Variants in USP28 observed in about 807,000 individuals in gnomAD.
USP28 encodes the protein ubiquitin specific peptidase 28.
A neutral mutation model predicts 145.0 loss-of-function variants in USP28; 113 were observed. The ratio of observed to expected loss-of-function variants is 0.78; its 90% CI spans 0.67 to 0.91. The LOEUF is 0.91. USP28 is among the 40% of genes least tolerant of loss of function. The pLI is 0.00. For synonymous variants in USP28, 447 were observed against 450.9 expected (o/e 0.99, Z 0.11); for missense variants, 1,201 against 1,289.6 (o/e 0.93, Z 1.05).
intron 10 of USP28, 63 bp downstream of exon 10, chr11:113,829,134 A>G (rs1237930391): frequency 6.3e-7 from 1 of 1,586,532 alleles, no homozygotes; most frequent in African/African-American, 1.4e-5. Context: ...TAGTCTGCCC[A>G]AAAGCTCACT....
At chr11:113,861,187 C>A (rs1007115995) in intron 1 of USP28, among the ~76,000 whole-genome samples, 1 of 151,500 alleles carries the variant, frequency 6.6e-6, no homozygotes, top group Non-Finnish European at 1.5e-5. Context: ...TTCCAACCTC[C>A]ATAAAACAAG....
chr11:113,872,951 T>C (rs2137255506), intron 1 of USP28, among the ~76,000 whole-genome samples: 1 of 152,334 alleles, frequency 6.6e-6, no homozygotes, highest in African/African-American at 2.4e-5. Flanking sequence ...GAGTACTACA[T>C]ATTTCTCGCA....
intron 2 of USP28, among the ~76,000 whole-genome samples, chr11:113,852,878 T>A (rs1245060157): frequency 6.6e-6 from 1 of 152,094 alleles, no homozygotes; most frequent in Admixed American, 6.6e-5. Context: ...GAAATCTTGA[T>A]GGAGATTTGT....
At chr11:113,804,608 C>T (rs775291615) in intron 21 of USP28, 65 bp downstream of exon 22, 64 of 1,445,360 alleles carry the variant, frequency 4.4e-5, no homozygotes, top group Non-Finnish European at 6.0e-5. Context: ...GTTTATTTTG[C>T]CTCAGGTACC....
At chr11:113,805,152 T>C (rs1939723340) in intron 19 of USP28, 106 bp from the exon 21 acceptor site, 1 of 1,013,274 alleles carries the variant, frequency 9.9e-7, no homozygotes, top group Non-Finnish European at 1.4e-6. Context: ...AAAAGACTTC[T>C]AAAAAATTCA....
At chr11:113,850,203 CTA>C (rs1371846546) in intron 3 of USP28, among the ~76,000 whole-genome samples, 1 of 151,964 alleles carries the variant, frequency 6.6e-6, no homozygotes, top group Admixed American at 6.6e-5. Flanking sequence ...CTGTCATTAC[CTA>C]TAAAGTTGAA....
chr11:113,863,726 A>C (rs1251369893), intron 1 of USP28, among the ~76,000 whole-genome samples: 1 of 150,720 alleles, frequency 6.6e-6, no homozygotes, highest in Non-Finnish European at 1.5e-5. Context: ...CGGCCGGATC[A>C]CAAGGTCAGG....
At chr11:113,816,430 T>C (rs1423195218) in intron 13 of USP28, among the ~76,000 whole-genome samples, 1 of 152,074 alleles carries the variant, frequency 6.6e-6, no homozygotes, top group African/African-American at 2.4e-5. Flanking sequence ...GGAGAATCGC[T>C]TGAACCCAGA....
At chr11:113,827,927 A>T (rs1943559302) in intron 10 of USP28, among the ~76,000 whole-genome samples, 4 of 152,224 alleles carry the variant, frequency 2.6e-5, no homozygotes, top group African/African-American at 9.6e-5. Flanking sequence ...TTCTAAGAAA[A>T]ATCTCTGAAT....
At chr11:113,836,982 A>G (rs925831973) in intron 5 of USP28, among the ~76,000 whole-genome samples, 3 of 152,002 alleles carry the variant, frequency 2.0e-5, no homozygotes, top group African/African-American at 7.3e-5. Context: ...TTTTATCCCA[A>G]TAGCTGCCTG....
chr11:113,844,399 G>A (rs753454801), intron 3 of USP28, among the ~76,000 whole-genome samples: 11 of 151,418 alleles, frequency 7.3e-5, no homozygotes, highest in Admixed American at 5.9e-4. Flanking sequence ...AGCCGAGATC[G>A]TACCACTGCA....
Position 113,830,126 on chromosome 11 carries a change from G to C in USP28, c.910+741C>G, listed in dbSNP as rs142363009. Among the ~76,000 whole-genome samples the C allele has an allele frequency of 4.7e-3, 718 of 152,296 alleles. 9 individuals carry two copies. The highest frequency in any genetic ancestry group is 0.015 in the African/African-American group (632 of 41,554). On this transcript the variant is annotated intron_variant, in intron 9 of 24. Coordinates refer to ENST00000003302, the Ensembl canonical transcript of USP28. ...ACATTTCAAGGAAAAAACGATGGAG[G>C]GGGAGCCTACAAATATTCAGTCATA...
At chr11:113,849,975 C>A (rs1290625824) in intron 3 of USP28, among the ~76,000 whole-genome samples, 1 of 152,116 alleles carries the variant, frequency 6.6e-6, no homozygotes, top group African/African-American at 2.4e-5. Flanking sequence ...TTCCACCTTC[C>A]TGGAGTGAGC....
intron 3 of USP28, among the ~76,000 whole-genome samples, chr11:113,847,579 C>A (rs1946012318): frequency 6.6e-6 from 1 of 152,006 alleles, no homozygotes; most frequent in South Asian, 2.1e-4. Flanking sequence ...AATGAGATAA[C>A]CAGGGAAATT....
intron 7 of USP28, among the ~76,000 whole-genome samples, chr11:113,832,472 T>C (rs1171264705): frequency 6.6e-6 from 1 of 152,164 alleles, no homozygotes; most frequent in African/African-American, 2.4e-5. Flanking sequence ...ACCCAGCTAC[T>C]ATACATAAAA....
At chr11:113,834,628 G>A (rs1944364455) in intron 5 of USP28, among the ~76,000 whole-genome samples, 1 of 152,110 alleles carries the variant, frequency 6.6e-6, no homozygotes, top group South Asian at 2.1e-4. Flanking sequence ...ATGTTGCCCA[G>A]GATGGTCTCA....
intron 1 of USP28, among the ~76,000 whole-genome samples, chr11:113,869,433 A>G (rs1948604298): frequency 6.6e-6 from 1 of 152,148 alleles, no homozygotes; most frequent in South Asian, 2.1e-4. Flanking sequence ...GTCTCAAAAA[A>G]TAAAATAAAA....
intron 3 of USP28, among the ~76,000 whole-genome samples, chr11:113,848,644 C>A (rs1946134562): frequency 6.6e-6 from 1 of 152,192 alleles, no homozygotes; most frequent in African/African-American, 2.4e-5. Flanking sequence ...ATATCTGAAG[C>A]TGCTTCAATG....
chr11:113,803,736 T>G, intron 22 of USP28, 62 bp downstream of exon 23: 1 of 1,346,136 alleles, frequency 7.4e-7, no homozygotes, highest in African/African-American at 1.4e-5. Context: ...TATTCCCAGG[T>G]AGGCATCTAC....
Sources: allele counts gnomAD v4.1 joint callset (sites outside exome capture counted in the v4.1 genomes callset), GRCh38; gene constraint gnomAD v4.1.1; transcripts MANE v1.5; gene names NCBI Gene and HGNC (gene_info 2026-07-23, HGNC 2026-07-21).